Variants in PEAK1 observed in about 807,000 individuals in gnomAD.
The protein encoded by PEAK1 is pseudopodium enriched atypical kinase 1.
Under a neutral mutation model 124.7 loss-of-function variants are expected in PEAK1, and 54 were observed. The observed-to-expected ratio is 0.43, with a 90% confidence interval of 0.35 to 0.54. The LOEUF is 0.54. Among genes scored for constraint, PEAK1 ranks in the 20% least tolerant of loss-of-function variants. The probability of loss-of-function intolerance (pLI) is 0.01; values close to 1 mark genes in which losing one functional copy is unlikely to be tolerated. For synonymous variants in PEAK1, 719 were observed against 760.0 expected (o/e 0.95, Z 0.89); for missense variants, 2,046 against 2,134.5 (o/e 0.96, Z 0.82).
intron 2 of PEAK1, among the ~76,000 whole-genome samples, chr15:77,310,373 T>C (rs768881093): frequency 3.3e-5 from 5 of 152,186 alleles, no homozygotes; most frequent in African/African-American, 1.2e-4. Flanking sequence ...ACTTAGAACT[T>C]TTCTGAACAA....
chr15:77,242,589 G>A (rs1309152861), intron 6 of PEAK1, among the ~76,000 whole-genome samples: 1 of 152,116 alleles, frequency 6.6e-6, no homozygotes, highest in Non-Finnish European at 1.5e-5. Flanking sequence ...AAGTATTAGA[G>A]TTAAGAGGGT....
rs944555530 is a variant in PEAK1 at position 77,175,731 on chromosome 15, A to G, written c.3137+3059T>C. On this transcript the variant is annotated intron_variant, in intron 7 of 9. Coordinates refer to ENST00000682557, the MANE Select transcript of PEAK1 (RefSeq NM_001385026.1). ...GCATCTAGAACTAGAAATACCATTT[A>G]ACCCAGCCATCCCATTACTGGGTAT... Among the ~76,000 whole-genome samples, 542 of 150,778 alleles carry G rather than the reference A, an allele frequency of 3.6e-3. 3 individuals are homozygous for G. The highest frequency in any genetic ancestry group is 0.012 in the African/African-American group (494 of 41,104).
intron 2 of PEAK1, among the ~76,000 whole-genome samples, chr15:77,357,991 G>A (rs1467779762): frequency 2.0e-5 from 3 of 152,018 alleles, no homozygotes; most frequent in Admixed American, 6.6e-5. Context: ...CTGCTTCAGA[G>A]GAAATGAAAA....
At chr15:77,390,374 T>C (rs561967427) in intron 1 of PEAK1, among the ~76,000 whole-genome samples, 90 of 152,286 alleles carry the variant, frequency 5.9e-4, no homozygotes, top group African/African-American at 2.0e-3. Context: ...ATAGCCTGCT[T>C]TGAGGATAAT....
intron 5 of PEAK1, among the ~76,000 whole-genome samples, chr15:77,262,286 A>G (rs2061481711): frequency 6.6e-6 from 1 of 152,140 alleles, no homozygotes; most frequent in East Asian, 1.9e-4. Flanking sequence ...AAATGGGCTA[A>G]ATGCTCCAAT....
downstream of PEAK1, chr15:77,104,265 A>C (rs141228567): frequency 6.6e-6 from 1 of 152,642 alleles, no homozygotes; most frequent in East Asian, 1.9e-4. Flanking sequence ...GGCCCAGTGG[A>C]GCAGCCAGGG....
At chr15:77,189,005 A>G (rs547040250) in intron 6 of PEAK1, among the ~76,000 whole-genome samples, 59 of 152,234 alleles carry the variant, frequency 3.9e-4, no homozygotes, top group Non-Finnish European at 6.6e-4. Context: ...GTTTGAGACC[A>G]GCCTGGCCAA....
intron 8 of PEAK1, among the ~76,000 whole-genome samples, chr15:77,142,469 A>G (rs2053863629): frequency 6.6e-6 from 1 of 152,258 alleles, no homozygotes; most frequent in African/African-American, 2.4e-5. Flanking sequence ...GTATATACCC[A>G]AGACAACTGA....
intron 6 of PEAK1, among the ~76,000 whole-genome samples, chr15:77,192,747 TC>T (rs2057900265): frequency 6.6e-6 from 1 of 151,858 alleles, no homozygotes; most frequent in Non-Finnish European, 1.5e-5. Flanking sequence ...GAGGCACAAA[TC>T]AACAACACTC....
intron 5 of PEAK1, among the ~76,000 whole-genome samples, chr15:77,258,138 G>C (rs1320886984): frequency 6.6e-6 from 1 of 152,154 alleles, no homozygotes; most frequent in African/African-American, 2.4e-5. Flanking sequence ...TAGCCTTGTA[G>C]TATAGTTTGA....
chr15:77,212,539 C>T (rs2058951366), intron 6 of PEAK1, among the ~76,000 whole-genome samples: 1 of 152,136 alleles, frequency 6.6e-6, no homozygotes, highest in Non-Finnish European at 1.5e-5. Context: ...ACATGGATCT[C>T]CTCTGGACTC....
intron 2 of PEAK1, among the ~76,000 whole-genome samples, chr15:77,331,584 G>A (rs1230716483): frequency 6.6e-6 from 1 of 152,008 alleles, no homozygotes; most frequent in African/African-American, 2.4e-5. Flanking sequence ...GGATCAAAAA[G>A]TATTTAGATC....
intron 2 of PEAK1, chr15:77,349,411 A>G: frequency 1.0e-6 from 1 of 978,888 alleles, no homozygotes; most frequent in Non-Finnish European, 1.2e-6. Context: ...AAGAGAGTCA[A>G]TCAGTTTAAC....
chr15:77,413,309 C>T (rs1006302689), intron 1 of PEAK1, among the ~76,000 whole-genome samples: 2 of 152,192 alleles, frequency 1.3e-5, no homozygotes, highest in South Asian at 2.1e-4. Flanking sequence ...GTGTGGGCTA[C>T]ACTTAGCAAC....
chr15:77,419,089 C>A (rs914825893), intron 1 of PEAK1: 6 of 985,262 alleles, frequency 6.1e-6, no homozygotes, highest in Admixed American at 1.2e-4. Context: ...CTCATCACTA[C>A]CCCCTCAACG....
intron 6 of PEAK1, among the ~76,000 whole-genome samples, chr15:77,215,603 C>T (rs1435551287): frequency 6.6e-6 from 1 of 152,210 alleles, no homozygotes; most frequent in Non-Finnish European, 1.5e-5. Context: ...TCAGTACAGA[C>T]ACAACCAACC....
intron 5 of PEAK1, among the ~76,000 whole-genome samples, chr15:77,257,261 C>T (rs1190143131): frequency 6.6e-6 from 1 of 151,574 alleles, no homozygotes; most frequent in African/African-American, 2.4e-5. Flanking sequence ...ATGGCTGGGT[C>T]AAATGGTATT....
chr15:77,156,850 T>A (rs1309561190), intron 8 of PEAK1: 2 of 152,200 alleles, frequency 1.3e-5, no homozygotes, highest in African/African-American at 4.8e-5. Flanking sequence ...CATTTTCATT[T>A]TATAATATGC....
chr15:77,329,467 T>C (rs979056027), intron 2 of PEAK1, among the ~76,000 whole-genome samples: 1 of 152,312 alleles, frequency 6.6e-6, no homozygotes, highest in Admixed American at 6.5e-5. Flanking sequence ...CCCTGAATTT[T>C]AATCCCCTCT....
Sources: allele counts gnomAD v4.1 joint callset (sites outside exome capture counted in the v4.1 genomes callset), GRCh38; gene constraint gnomAD v4.1.1; transcripts MANE v1.5; gene names NCBI Gene and HGNC (gene_info 2026-07-23, HGNC 2026-07-21).